FAAH2: variants seen among roughly 807,000 people sequenced by gnomAD.
FAAH2 encodes fatty-acid amide hydrolase 2.
FAAH2 carries 60 observed loss-of-function variants against 36.9 expected under a neutral mutation model. The ratio of observed to expected loss-of-function variants is 1.63; its 90% CI spans 1.32 to 2.02. The LOEUF (loss-of-function observed/expected upper bound fraction) is 2.02, where lower values mean the gene tolerates loss of function less well. FAAH2 is among the 30% of genes most tolerant of loss of function. The probability of loss-of-function intolerance (pLI) is 0.00; values close to 1 mark genes in which losing one functional copy is unlikely to be tolerated. For synonymous variants in FAAH2, 214 were observed against 143.8 expected (o/e 1.49, Z -3.49); for missense variants, 689 against 397.5 (o/e 1.73, Z -6.23).
At chrX:57,226,248 G>A in the FAAH2 span, among the ~76,000 whole-genome samples, 1 of 111,788 alleles carries the variant, frequency 8.9e-6, no homozygotes, top group Non-Finnish European at 1.9e-5. Context: ...TAGGCCCTTT[G>A]TAATTTATGC....
the FAAH2 span, among the ~76,000 whole-genome samples, chrX:57,123,362 A>C: frequency 8.9e-6 from 1 of 112,040 alleles, no homozygotes; most frequent in African/African-American, 3.3e-5. Context: ...ATAGTATTCC[A>C]TGGTGTATAT....
chrX:57,456,798 TA>T (rs963358813), intron 10 of FAAH2, among the ~76,000 whole-genome samples: 1 of 110,849 alleles, frequency 9.0e-6, no homozygotes, highest in Non-Finnish European at 1.9e-5. Context: ...GAATCACTAA[TA>T]AAAAAACTTA....
the FAAH2 span, among the ~76,000 whole-genome samples, chrX:57,279,735 CA>C: frequency 6.3e-5 from 7 of 111,660 alleles, no homozygotes; most frequent in Non-Finnish European, 1.1e-4. Context: ...GAACTAAAGA[CA>C]AAAAACACGT....
chrX:57,190,660 C>T, the FAAH2 span, among the ~76,000 whole-genome samples: 5 of 110,451 alleles, frequency 4.5e-5, no homozygotes, highest in East Asian at 2.9e-4. Flanking sequence ...CCCCTCCACC[C>T]GCTCCTTGCA....
At chrX:57,483,492 A>T (rs1263923086) in intron 10 of FAAH2, among the ~76,000 whole-genome samples, 1 of 110,367 alleles carries the variant, frequency 9.1e-6, no homozygotes, top group East Asian at 2.9e-4. Context: ...CCACAGTTTG[A>T]ATTCTTTATC....
At chrX:57,314,869 A>G (rs886679052) in intron 3 of FAAH2, among the ~76,000 whole-genome samples, 1 of 111,592 alleles carries the variant, frequency 9.0e-6, no homozygotes, top group African/African-American at 3.2e-5. Flanking sequence ...CATAACGCCA[A>G]TGTGAACTAC....
At chrX:57,138,648 A>C in the FAAH2 span, among the ~76,000 whole-genome samples, 15 of 111,360 alleles carry the variant, frequency 1.3e-4, no homozygotes, top group Admixed American at 5.7e-4. Context: ...GCTGTTTTTC[A>C]TAATGGCTAT....
the FAAH2 span, among the ~76,000 whole-genome samples, chrX:57,123,460 C>T: frequency 8.0e-5 from 9 of 112,280 alleles, no homozygotes; most frequent in South Asian, 3.7e-4. Flanking sequence ...CCGCAATAAA[C>T]GTATGTGTGC....
chrX:57,357,639 C>T (rs921945425), intron 5 of FAAH2, among the ~76,000 whole-genome samples: 6 of 111,776 alleles, frequency 5.4e-5, no homozygotes, highest in South Asian at 3.7e-4. Flanking sequence ...CGATAAGATA[C>T]CATCTCATGC....
chrX:57,161,429 CTTG>C, the FAAH2 span, among the ~76,000 whole-genome samples: 1 of 110,604 alleles, frequency 9.0e-6, no homozygotes. Context: ...AACTTTCTGT[CTTG>C]TTGATCTGTC....
the FAAH2 span, among the ~76,000 whole-genome samples, chrX:57,278,169 A>G: frequency 9.0e-6 from 1 of 111,692 alleles, no homozygotes; most frequent in Non-Finnish European, 1.9e-5. Context: ...CTGATTTCAA[A>G]CTATACTACA....
chrX:57,481,699 C>T (rs1260342186), intron 10 of FAAH2, among the ~76,000 whole-genome samples: 1 of 112,116 alleles, frequency 8.9e-6, no homozygotes, highest in Non-Finnish European at 1.9e-5. Context: ...AGGTCTCTCC[C>T]AGTCGGATGC....
chrX:57,312,328 G>A (rs1257450449), intron 3 of FAAH2, among the ~76,000 whole-genome samples: 5 of 111,665 alleles, frequency 4.5e-5, no homozygotes, highest in South Asian at 3.7e-4. Context: ...TCAATCATCC[G>A]GCTAATATGT....
rs868372380 is a variant in FAAH2, at chrX:57,431,771, G to T, written c.997-147G>T. 8.8e-3 allele frequency: 1,768 copies of T among 201,931 alleles called. 75 individuals are homozygous for T. Among genetic ancestry groups the T allele is most frequent in the African/African-American group, 0.081 (1,623 of 19,981 alleles). 16.6% of individuals were successfully genotyped at this position (201,931 alleles called of 1,213,427 possible). A position where few individuals can be genotyped will look rare whatever the true frequency, so the allele number is the denominator to read the frequency against. On this transcript the variant is annotated intron_variant, in intron 7 of 10. Coordinates refer to ENST00000374900, the MANE Select transcript of FAAH2 (RefSeq NM_174912.4). ...TGTTTTGTTTTGTTTTTGTTTTTTT[G>T]TTTTTTTGTTTTTTTGTTTTTTTTG...
intron 3 of FAAH2, among the ~76,000 whole-genome samples, chrX:57,320,411 T>C (rs1371101154): frequency 3.6e-5 from 4 of 111,953 alleles, no homozygotes; most frequent in Non-Finnish European, 7.5e-5. Flanking sequence ...AACAAACATA[T>C]GAAAAAAAGC....
intron 10 of FAAH2, among the ~76,000 whole-genome samples, chrX:57,450,615 C>CT (rs200418149): frequency 6.2e-4 from 69 of 110,871 alleles, no homozygotes; most frequent in African/African-American, 2.1e-3. Flanking sequence ...ATTCCTGGTT[C>CT]TTTTTTTTCC....
chrX:57,364,009 G>GTTTTT (rs59787885), intron 5 of FAAH2, among the ~76,000 whole-genome samples: 3,296 of 45,624 alleles, frequency 0.072, 1 homozygote, highest in Non-Finnish European at 0.098. Context: ...GGCCTGTAGG[G>GTTTTT]TTTTTTTTTT....
At chrX:57,152,382 G>A in the FAAH2 span, among the ~76,000 whole-genome samples, 1 of 112,595 alleles carries the variant, frequency 8.9e-6, no homozygotes, top group Admixed American at 9.3e-5. Context: ...AGCCTACAGA[G>A]GCAGGCAGGC....
intron 10 of FAAH2, among the ~76,000 whole-genome samples, chrX:57,467,796 C>T (rs1051333899): frequency 8.9e-6 from 1 of 111,909 alleles, no homozygotes; most frequent in African/African-American, 3.2e-5. Context: ...GGACAGACTG[C>T]CTCCTCAAGT....
Sources: gnomAD v4.1 joint callset for allele counts (sites outside exome capture counted in the v4.1 genomes callset) on GRCh38, gnomAD v4.1.1 for gene constraint, MANE v1.5 for transcripts, NCBI Gene and HGNC (gene_info 2026-07-23, HGNC 2026-07-21) for gene names.